The following TMTC1 variants were observed in gnomAD, a reference collection of about 807,000 sequenced individuals.
TMTC1 encodes transmembrane O-mannosyltransferase targeting cadherins 1.
TMTC1 carries 73 observed loss-of-function variants against 104.8 expected under a neutral mutation model. The observed-to-expected ratio is 0.70, with a 90% confidence interval of 0.58 to 0.85. The LOEUF (loss-of-function observed/expected upper bound fraction) is 0.85. Ranked by LOEUF, TMTC1 falls within the 40% of genes least tolerant of loss-of-function variation. The pLI is 0.00. For missense variants in TMTC1, 1,035 were observed against 1,096.1 expected (o/e 0.94, Z 0.79); for synonymous variants, 434 against 428.7 (o/e 1.01, Z -0.15).
chr12:29,537,656 T>A (rs1944681648), intron 10 of TMTC1, among the ~76,000 whole-genome samples: 1 of 152,122 alleles, frequency 6.6e-6, no homozygotes, highest in Non-Finnish European at 1.5e-5. Context: ...TTCAAAAGAT[T>A]CCCAGGTGAT....
Position 29,762,698 on chromosome 12 carries a change from G to A in TMTC1, c.481-3921C>T, listed in dbSNP as rs79325401. On this transcript the variant is annotated intron_variant, in intron 2 of 17. Transcript: ENST00000539277. ...AAGCTATTACCTGACGTGGCTGCTT[G>A]TACCACATGCTGTTCATTGATTCAT... is the stretch of plus-strand genomic sequence containing the variant. Among the ~76,000 whole-genome samples, 5 of 152,208 alleles carry A rather than the reference G, an allele frequency of 3.3e-5. No individual in the cohort carries two copies. In the South Asian group the frequency reaches 6.2e-4, roughly 19 times the overall value.
chr12:29,584,591 G>T (rs951268059), intron 7 of TMTC1, among the ~76,000 whole-genome samples: 2 of 151,058 alleles, frequency 1.3e-5, no homozygotes, highest in African/African-American at 4.9e-5. Context: ...AGCCCGCCCC[G>T]CTTCCCCGAC....
chr12:29,784,453 T>G (rs1943911539), upstream of TMTC1: 1 of 152,094 alleles, frequency 6.6e-6, no homozygotes, highest in Non-Finnish European at 1.5e-5. Context: ...TGCCCGGGCT[T>G]TCTCTCACCC....
At chr12:29,552,835 T>C (rs992948744) in intron 10 of TMTC1, among the ~76,000 whole-genome samples, 8 of 152,208 alleles carry the variant, frequency 5.3e-5, no homozygotes, top group African/African-American at 1.4e-4. Flanking sequence ...AATGGAGAAA[T>C]CAATATTGTG....
At chr12:29,596,381 T>C (rs1946405093) in intron 7 of TMTC1, among the ~76,000 whole-genome samples, 1 of 152,222 alleles carries the variant, frequency 6.6e-6, no homozygotes, top group Non-Finnish European at 1.5e-5. Flanking sequence ...TTAAGTTTTA[T>C]TTCATTCTTT....
chr12:29,712,559 A>T (rs1213885262), intron 5 of TMTC1, among the ~76,000 whole-genome samples: 1 of 152,248 alleles, frequency 6.6e-6, no homozygotes. Flanking sequence ...TAAAATGAAG[A>T]AAATTAGTGA....
At chr12:29,683,009 C>T (rs534995241) in intron 5 of TMTC1, among the ~76,000 whole-genome samples, 1 of 152,226 alleles carries the variant, frequency 6.6e-6, no homozygotes, top group Admixed American at 6.5e-5. Context: ...CTAGATTTTC[C>T]TGTGCATCTG....
intron 5 of TMTC1, among the ~76,000 whole-genome samples, chr12:29,750,923 G>A (rs139152426): frequency 5.9e-5 from 9 of 152,252 alleles, no homozygotes; most frequent in South Asian, 2.1e-4. Flanking sequence ...CTGTTTCTGC[G>A]TTTGCCCTAT....
At chr12:29,586,074 TG>T (rs1221760190) in intron 7 of TMTC1, among the ~76,000 whole-genome samples, 1 of 152,218 alleles carries the variant, frequency 6.6e-6, no homozygotes, top group Non-Finnish European at 1.5e-5. Flanking sequence ...CCCATGAGCA[TG>T]GAATGTTCTT....
intron 6 of TMTC1, among the ~76,000 whole-genome samples, chr12:29,628,257 C>G (rs1938108139): frequency 6.6e-6 from 1 of 152,122 alleles, no homozygotes; most frequent in Admixed American, 6.5e-5. Context: ...TTTTCTGCCC[C>G]TACATTACAT....
At chr12:29,615,636 TC>T (rs1385973928) in intron 6 of TMTC1, among the ~76,000 whole-genome samples, 3 of 152,138 alleles carry the variant, frequency 2.0e-5, no homozygotes, top group Non-Finnish European at 4.4e-5. Flanking sequence ...CCATCAGGAC[TC>T]CCAGCAGTCA....
intron 5 of TMTC1, among the ~76,000 whole-genome samples, chr12:29,638,564 G>A (rs1315703290): frequency 6.6e-6 from 1 of 152,138 alleles, no homozygotes; most frequent in Non-Finnish European, 1.5e-5. Flanking sequence ...AAGGCTGAGG[G>A]TCTAATTGAG....
chr12:29,597,810 A>C (rs950175042), intron 7 of TMTC1, among the ~76,000 whole-genome samples: 1 of 152,150 alleles, frequency 6.6e-6, no homozygotes, highest in African/African-American at 2.4e-5. Context: ...CGCCCAAAAA[A>C]TGGGGGTGAA....
intron 9 of TMTC1, among the ~76,000 whole-genome samples, chr12:29,558,305 T>C (rs1945297577): frequency 6.6e-6 from 1 of 152,186 alleles, no homozygotes; most frequent in Admixed American, 6.5e-5. Context: ...TCTGTACTTG[T>C]CAAGCCCCTT....
At chr12:29,596,375 G>C (rs1946405029) in intron 7 of TMTC1, among the ~76,000 whole-genome samples, 1 of 152,170 alleles carries the variant, frequency 6.6e-6, no homozygotes, top group African/African-American at 2.4e-5. Context: ...GTATCATTAA[G>C]TTTTATTTCA....
At chr12:29,685,930 T>TAA (rs74950953) in intron 5 of TMTC1, among the ~76,000 whole-genome samples, 12 of 129,198 alleles carry the variant, frequency 9.3e-5, no homozygotes, top group African/African-American at 2.5e-4. Context: ...GCAAGATTGT[T>TAA]AAAAAAAAAA....
At chr12:29,758,881 G>C in intron 2 of TMTC1, 104 bp from the exon 3 acceptor site, 5 of 993,398 alleles carry the variant, frequency 5.0e-6, no homozygotes, top group Non-Finnish European at 7.1e-6. Flanking sequence ...ATAAATGGAA[G>C]ATATAATAAA....
At chr12:29,728,547 C>T (rs1942461939) in intron 5 of TMTC1, among the ~76,000 whole-genome samples, 4 of 152,244 alleles carry the variant, frequency 2.6e-5, no homozygotes, top group Non-Finnish European at 2.9e-5. Flanking sequence ...GACACAGACC[C>T]CACGTCTCTA....
chr12:29,697,733 A>G (rs192815152), intron 5 of TMTC1, among the ~76,000 whole-genome samples: 5 of 152,280 alleles, frequency 3.3e-5, no homozygotes, highest in African/African-American at 1.2e-4. Context: ...GGTGAAGTCC[A>G]AAGACAGCCT....
Sources: gnomAD v4.1 joint callset for allele counts (sites outside exome capture counted in the v4.1 genomes callset) on GRCh38, gnomAD v4.1.1 for gene constraint, MANE v1.5 for transcripts, NCBI Gene and HGNC (gene_info 2026-07-23, HGNC 2026-07-21) for gene names.